Variants in MYO3B observed in about 807,000 individuals in gnomAD.
MYO3B encodes myosin-IIIb.
Under a neutral mutation model 174.6 loss-of-function variants are expected in MYO3B, and 156 were observed. That is an observed-to-expected ratio of 0.89 (90% CI 0.78 to 1.02). MYO3B has a LOEUF of 1.02. MYO3B is among the 50% of genes least tolerant of loss of function. The probability of loss-of-function intolerance (pLI) is 0.00; values close to 1 mark genes in which losing one functional copy is unlikely to be tolerated. For missense variants in MYO3B, 1,632 were observed against 1,639.4 expected, an observed-to-expected ratio of 1.00 and a Z score of 0.08; for synonymous variants, 563 against 569.1, an observed-to-expected ratio of 0.99 and a Z score of 0.15.
At chr2:170,231,075 G>C (rs1372071144) in intron 6 of MYO3B, among the ~76,000 whole-genome samples, 1 of 152,154 alleles carries the variant, frequency 6.6e-6, no homozygotes, top group Non-Finnish European at 1.5e-5. Context: ...ATCTTCAACA[G>C]AACACAGCTG....
intron 7 of MYO3B, among the ~76,000 whole-genome samples, chr2:170,241,956 C>A (rs1286945634): frequency 6.6e-6 from 1 of 152,156 alleles, no homozygotes. Flanking sequence ...CCCTGAGTCA[C>A]CAGTAATTGT....
chr2:170,629,630 G>A (rs1696770356), intron 32 of MYO3B, among the ~76,000 whole-genome samples: 1 of 152,076 alleles, frequency 6.6e-6, no homozygotes, highest in African/African-American at 2.4e-5. Flanking sequence ...CAGGTGGATT[G>A]CCTGAGCTTA....
rs1431612494 is a variant in MYO3B, at chr2:170,400,302, G to A, written c.1906G>A (p.Ala636Thr). Residue 636 changes from alanine to threonine, a missense_variant, in exon 17 of 35, where the codon GCT becomes ACT. By Grantham distance (58) the Ala-to-Thr change is moderately conservative. Transcript: ENST00000408978. ...TAAAAGTGAGGTGCCCAATGCTGAA[G>A]CTTTGCAAAATGGTAATTATTTGAT... is the stretch of plus-strand genomic sequence containing the variant. ...TDKSEVPNAEALQNAASVLCI... is the reference protein window; with the variant it reads ...TDKSEVPNAETLQNAASVLCI... The A allele has an allele frequency of 6.2e-7, 1 of 1,613,756 alleles. No homozygotes were observed. Among genetic ancestry groups the A allele is most frequent in the East Asian group, 2.2e-5 (1 of 44,846 alleles).
intron 7 of MYO3B, among the ~76,000 whole-genome samples, chr2:170,332,463 T>A (rs1022138226): frequency 6.6e-6 from 1 of 152,210 alleles, no homozygotes; most frequent in African/African-American, 2.4e-5. Context: ...ATGGTTTCCC[T>A]TCACTGGTGT....
intron 32 of MYO3B, among the ~76,000 whole-genome samples, chr2:170,550,416 T>C (rs1690799197): frequency 6.6e-6 from 1 of 152,202 alleles, no homozygotes; most frequent in Non-Finnish European, 1.5e-5. Context: ...TTTCCAATTC[T>C]GTGTGGGATG....
intron 7 of MYO3B, among the ~76,000 whole-genome samples, chr2:170,247,434 A>G (rs1175401202): frequency 6.6e-6 from 1 of 152,230 alleles, no homozygotes; most frequent in Non-Finnish European, 1.5e-5. Context: ...GCATCCTGAC[A>G]TCATGCTTCA....
At chr2:170,455,791 A>G (rs1470213441) in intron 23 of MYO3B, among the ~76,000 whole-genome samples, 1 of 152,188 alleles carries the variant, frequency 6.6e-6, no homozygotes, top group Non-Finnish European at 1.5e-5. Flanking sequence ...ATTCACAAGG[A>G]ACCAAACAGG....
At position 170,266,503 on chromosome 2, in the gene MYO3B, G is replaced by A. The variant is rs139924672; in HGVS notation, c.749+30367G>A. ...TCTTAAGGTCATTCTTTCAATGGCTGATCTATTTCTTAACAGTTTTTGTCA... is the reference window on the plus strand; with the variant it reads ...TCTTAAGGTCATTCTTTCAATGGCTAATCTATTTCTTAACAGTTTTTGTCA... On this transcript the variant is annotated intron_variant, in intron 7 of 34. Transcript: ENST00000408978. Among the ~76,000 whole-genome samples, 108 of 152,218 alleles carry A rather than the reference G, an allele frequency of 7.1e-4. 2 individuals are homozygous for A. In the East Asian group the frequency reaches 0.015, roughly 21 times the overall value.
intron 24 of MYO3B, among the ~76,000 whole-genome samples, chr2:170,465,022 A>G (rs1198618355): frequency 1.0e-5 from 1 of 99,026 alleles, no homozygotes; most frequent in Non-Finnish European, 2.3e-5. Flanking sequence ...ACGTGCCACC[A>G]TGCCTGGCAA....
intron 32 of MYO3B, among the ~76,000 whole-genome samples, chr2:170,614,032 A>G (rs111781793): frequency 0.014 from 2,096 of 152,084 alleles, 54 homozygotes; most frequent in African/African-American, 0.047. Context: ...TCCCACTCCC[A>G]TCCCCTTCTG....
chr2:170,615,426 A>G (rs1431383155), intron 32 of MYO3B, among the ~76,000 whole-genome samples: 1 of 152,238 alleles, frequency 6.6e-6, no homozygotes, highest in Non-Finnish European at 1.5e-5. Flanking sequence ...CTGAGAAAAG[A>G]GCTTTCTAAA....
At chr2:170,431,997 T>A (rs1243393063) in intron 22 of MYO3B, among the ~76,000 whole-genome samples, 1 of 152,252 alleles carries the variant, frequency 6.6e-6, no homozygotes, top group African/African-American at 2.4e-5. Context: ...GCTGATATAA[T>A]AAGCCTACTG....
rs2092805841 is a variant in MYO3B, at chr2:170,214,440, T to G, written c.383T>G (p.Leu128Trp). Residue 128 changes from leucine (L) to tryptophan (W), a missense_variant, in exon 4 of 35, where the codon TTG (leucine) becomes TGG (tryptophan). Transcript: ENST00000408978. The stretch of plus-strand genomic sequence containing the variant: ...GGTCTACTCAGATGTGGCCAGCGGT[T>G]GGATGAAGCAATGATCTCATACATC... ...VKGLLRCGQR[L>W]DEAMISYILY... The G allele has an allele frequency of 1.2e-6, 2 of 1,614,066 alleles. 1 individual carries two copies. Among genetic ancestry groups the G allele is most frequent in the African/African-American group, 2.7e-5 (2 of 74,934 alleles).
intron 7 of MYO3B, among the ~76,000 whole-genome samples, chr2:170,315,602 G>C (rs147164514): frequency 5.9e-4 from 90 of 152,184 alleles, no homozygotes; most frequent in African/African-American, 2.1e-3. Flanking sequence ...CATCGTGCCC[G>C]GCCTTATAAT....
At chr2:170,561,054 G>A (rs1575166655) in intron 32 of MYO3B, among the ~76,000 whole-genome samples, 2 of 152,256 alleles carry the variant, frequency 1.3e-5, no homozygotes, top group South Asian at 2.1e-4. Context: ...CATTAAGAAA[G>A]CAAGGTACCT....
intron 32 of MYO3B, among the ~76,000 whole-genome samples, chr2:170,595,118 C>CG (rs1052547506): frequency 5.3e-5 from 8 of 152,140 alleles, no homozygotes; most frequent in African/African-American, 1.9e-4. Context: ...TACTTACCCC[C>CG]CCACAAACCT....
intron 32 of MYO3B, among the ~76,000 whole-genome samples, chr2:170,635,596 T>G (rs1697397083): frequency 6.6e-6 from 1 of 152,162 alleles, no homozygotes; most frequent in African/African-American, 2.4e-5. Flanking sequence ...ACATGTACCC[T>G]AGAACTTAAA....
intron 31 of MYO3B, among the ~76,000 whole-genome samples, chr2:170,543,423 A>G (rs1225722724): frequency 2.0e-5 from 3 of 152,212 alleles, no homozygotes; most frequent in African/African-American, 7.2e-5. Context: ...TGTTGAAAGG[A>G]TGAAATGAAG....
chr2:170,179,648 G>A (rs191306729), intron 1 of MYO3B, among the ~76,000 whole-genome samples: 83 of 152,286 alleles, frequency 5.5e-4, no homozygotes, highest in African/African-American at 1.9e-3. Flanking sequence ...GCAGCAAGAA[G>A]GCCCTCACCA....
Sources: gnomAD v4.1 joint callset for allele counts (sites outside exome capture counted in the v4.1 genomes callset) on GRCh38, gnomAD v4.1.1 for gene constraint, MANE v1.5 for transcripts, NCBI Gene and HGNC (gene_info 2026-07-23, HGNC 2026-07-21) for gene names.